Variants in DZIP1 observed in about 807,000 individuals in gnomAD.
DZIP1 encodes the protein DAZ interacting zinc finger protein 1.
Under a neutral mutation model 107.6 loss-of-function variants are expected in DZIP1, and 97 were observed. That is an observed-to-expected ratio of 0.90 (90% CI 0.77 to 1.07). The LOEUF (loss-of-function observed/expected upper bound fraction) is 1.07. Among genes scored for constraint, DZIP1 ranks in the 50% least tolerant of loss-of-function variants. The probability of loss-of-function intolerance (pLI) is 0.00; values close to 1 mark genes in which losing one functional copy is unlikely to be tolerated. For missense variants in DZIP1, 1,035 were observed against 1,063.6 expected (o/e 0.97, Z 0.37); for synonymous variants, 390 against 386.4 (o/e 1.01, Z -0.11).
At position 95,599,472 on chromosome 13, in the gene DZIP1, G is replaced by T. The variant is rs562295843; in HGVS notation, c.1478-48C>A. 34 of 1,413,502 alleles carry T rather than the reference G, an allele frequency of 2.4e-5. 2 individuals carry two copies. The Admixed American group carries it at 4.6e-4, about 19-fold the overall frequency. 87.6% of individuals were successfully genotyped at this position (1,413,502 alleles called of 1,614,324 possible). On this transcript the variant is annotated intron_variant, in intron 14 of 22. Coordinates refer to ENST00000376829, the MANE Select transcript of DZIP1 (RefSeq NM_198968.4). ...ACAGTACAAACAGGACAACAGCAAA[G>T]TTACATTAGTTTCCTTTCAAATGAT...
At chr13:95,637,862 A>G (rs1244666769) in intron 5 of DZIP1, among the ~76,000 whole-genome samples, 1 of 152,178 alleles carries the variant, frequency 6.6e-6, no homozygotes, top group East Asian at 1.9e-4. Context: ...CTATAAGTAT[A>G]ATATCATTTA....
chr13:95,587,878 G>A (rs2044206057), intron 19 of DZIP1, 149 bp from the exon 20 acceptor site: 2 of 954,362 alleles, frequency 2.1e-6, no homozygotes, highest in Admixed American at 2.8e-5. Context: ...CCAAGATGGC[G>A]GCGAGGCCAG....
chr13:95,598,161 A>G (rs1423394321), intron 15 of DZIP1, among the ~76,000 whole-genome samples: 1 of 152,228 alleles, frequency 6.6e-6, no homozygotes, highest in Non-Finnish European at 1.5e-5. Context: ...TGAAAGAAGC[A>G]GGTTTCTAAA....
At chr13:95,590,887 T>G (rs1467184593) in intron 16 of DZIP1, among the ~76,000 whole-genome samples, 1 of 152,052 alleles carries the variant, frequency 6.6e-6, no homozygotes, top group Non-Finnish European at 1.5e-5. Flanking sequence ...CAGAAACAGG[T>G]AAGGCACGTC....
chr13:95,582,379 A>G (rs2044031920), intron 22 of DZIP1, 66 bp from the exon 23 acceptor site: 2 of 1,291,114 alleles, frequency 1.5e-6, no homozygotes, highest in Non-Finnish European at 2.2e-6. Context: ...TGTCAAGTCT[A>G]TAAAAATCCA....
intron 10 of DZIP1, among the ~76,000 whole-genome samples, chr13:95,615,281 C>T (rs1874913426): frequency 6.6e-6 from 1 of 152,198 alleles, no homozygotes; most frequent in African/African-American, 2.4e-5. Flanking sequence ...GAAATTCCCA[C>T]AACTGTCTGA....
Position 95,641,294 on chromosome 13 carries a change from C to A in DZIP1, c.597+1G>T. 1 of 1,575,374 alleles carries A rather than the reference C, an allele frequency of 6.3e-7. No individual in the cohort carries two copies. Among genetic ancestry groups the A allele is most frequent in the Non-Finnish European group, 8.7e-7 (1 of 1,154,846 alleles). On this transcript the variant is annotated splice_donor_variant, in intron 5 of 22. Coordinates refer to ENST00000376829, the MANE Select transcript of DZIP1 (RefSeq NM_198968.4). LOFTEE classifies it high-confidence loss of function. This position sits in a 1 kb window ranked among gnomAD's most constrained non-coding sequence, Gnocchi z 4.3. ...AATCGTGCTCACACACAGCTGCCCA[C>A]CTGGTAATAGTTGGCTTTGGCCTCG...
At position 95,633,316 on chromosome 13, in the gene DZIP1, A is replaced by C; in HGVS notation, c.603T>G (p.His201Gln). 6.2e-7 allele frequency: 1 copy of C among 1,614,044 alleles called. No homozygotes were observed. Among genetic ancestry groups the C allele is most frequent in the Non-Finnish European group, 8.5e-7 (1 of 1,179,892 alleles). The part of the protein sequence containing the change: ...IEAKANYYQC[H>Q]FCDKAFMNQA... ...GGTTCATAAAGGCCTTGTCACAAAA[A>C]TGGCACTGAAAAGGAGAGAGCAACA... is the stretch of plus-strand genomic sequence containing the variant. Residue 201 changes from histidine (H) to glutamine (Q), a missense_variant, in exon 6 of 23, where the codon CAT (histidine) becomes CAG (glutamine). Coordinates refer to ENST00000376829, the MANE Select transcript of DZIP1 (RefSeq NM_198968.4).
At chr13:95,622,249 G>A in intron 9 of DZIP1, 94 bp downstream of exon 9, 5 of 1,531,432 alleles carry the variant, frequency 3.3e-6, no homozygotes, top group Non-Finnish European at 4.5e-6. Context: ...TACTAAAAAA[G>A]ACAAACACTT....
At chr13:95,587,135 G>A (rs1200456768) in intron 20 of DZIP1, among the ~76,000 whole-genome samples, 1 of 152,178 alleles carries the variant, frequency 6.6e-6, no homozygotes, top group Non-Finnish European at 1.5e-5. Flanking sequence ...TGCACACAGA[G>A]GGAAGATGAT....
chr13:95,579,730 A>T lies in DZIP1; in HGVS notation c.*2504T>A, dbSNP rs2043988254. The T allele has an allele frequency of 6.6e-6, 1 of 152,246 alleles. No homozygotes were observed. Among genetic ancestry groups the T allele is most frequent in the African/African-American group, 2.4e-5 (1 of 41,458 alleles). The allele number at this position is 152,246 out of a possible 1,614,324, so 9.4% of individuals were successfully genotyped here. ...AGGAAATGAACAAGTTTGTTAAAAG[A>T]TAAAAAATAAAAAAAATTCCATACC... On this transcript the variant is annotated 3_prime_UTR_variant, in exon 23 of 23. Coordinates refer to ENST00000376829, the MANE Select transcript of DZIP1 (RefSeq NM_198968.4).
Position 95,620,015 on chromosome 13 carries a change from C to T in DZIP1, c.1111-68G>A, listed in dbSNP as rs1426702213. On this transcript the variant is annotated intron_variant, in intron 9 of 22. Transcript: ENST00000376829. ...TGAGATCTATGCAATATGGGAGCTTCCTTTTTAGTGAATACCTATGAAACC... is the reference window on the plus strand; with the variant it reads ...TGAGATCTATGCAATATGGGAGCTTTCTTTTTAGTGAATACCTATGAAACC... 5 of 1,539,064 alleles carry T rather than the reference C, an allele frequency of 3.2e-6. No homozygotes were observed. The African/African-American group carries it at 5.5e-5, about 17-fold the overall frequency.
chr13:95,586,183 A>C, intron 20 of DZIP1, 47 bp from the exon 21 acceptor site: 2 of 1,500,246 alleles, frequency 1.3e-6, no homozygotes, highest in Non-Finnish European at 1.8e-6. Flanking sequence ...TAAAAATTTA[A>C]TCTATCTTTA....
chr13:95,606,202 T>C, intron 13 of DZIP1, 143 bp from the exon 14 acceptor site: 1 of 655,996 alleles, frequency 1.5e-6, no homozygotes, highest in Non-Finnish European at 2.6e-6. Flanking sequence ...ACAAAGATAT[T>C]ACACAACTAA....
chr13:95,621,820 C>T (rs969963059), intron 9 of DZIP1, among the ~76,000 whole-genome samples: 2 of 151,750 alleles, frequency 1.3e-5, no homozygotes, highest in African/African-American at 4.8e-5. Flanking sequence ...TGGGTTCAAG[C>T]AATTCTCCTG....
chr13:95,589,314 G>A, intron 18 of DZIP1, 107 bp from the exon 19 acceptor site: 1 of 831,084 alleles, frequency 1.2e-6, no homozygotes, highest in Non-Finnish European at 1.9e-6. Context: ...ACACTAACGA[G>A]GAAGAGCAGC....
chr13:95,605,968 G>T, intron 14 of DZIP1, 35 bp downstream of exon 14: 3 of 1,605,184 alleles, frequency 1.9e-6, no homozygotes, highest in Non-Finnish European at 2.6e-6. Flanking sequence ...GGTGGCAACT[G>T]CACATAAAAC....
chr13:95,633,118 A>T, intron 6 of DZIP1, 116 bp downstream of exon 6: 1 of 939,884 alleles, frequency 1.1e-6, no homozygotes, highest in South Asian at 1.6e-5. Flanking sequence ...TACTGAATTG[A>T]CAGGGACCGT....
rs2044149082 is a variant in DZIP1, at chr13:95,586,016, T to C, written c.2339A>G (p.Gln780Arg). Residue 780 changes from glutamine (Q) to arginine (R), a missense_variant, in exon 21 of 23, where the codon CAA (glutamine) becomes CGA (arginine). By Grantham distance (43) the Gln-to-Arg change is conservative. Transcript: ENST00000376829. ...PEMFIKKEELQELKCADVEDE... is the reference protein window; with the variant it reads ...PEMFIKKEELRELKCADVEDE... ...TAAAAGTGATTTCACCTTTAGTTCTTGTAATTCTTCTTTTTTGATAAACAT... is the reference window on the plus strand; with the variant it reads ...TAAAAGTGATTTCACCTTTAGTTCTCGTAATTCTTCTTTTTTGATAAACAT... The C allele has an allele frequency of 1.2e-6, 2 of 1,601,154 alleles. No homozygotes were observed. The highest frequency in any genetic ancestry group is 1.8e-5 in the Admixed American group (1 of 56,664).
Sources: gnomAD v4.1 joint callset for allele counts (sites outside exome capture counted in the v4.1 genomes callset) on GRCh38, gnomAD v4.1.1 for gene constraint, Gnocchi (gnomAD v3.1) non-coding constraint, MANE v1.5 for transcripts, NCBI Gene and HGNC (gene_info 2026-07-23, HGNC 2026-07-21) for gene names.